Variants in ORC3 observed in about 807,000 individuals in gnomAD.
ORC3 encodes the protein origin recognition complex subunit 3, also known as homolog of latheo, Drosophila.
In ORC3, 78 loss-of-function variants were observed where a neutral mutation model predicts 100.7. The ratio of observed to expected loss-of-function variants is 0.77; its 90% CI spans 0.65 to 0.94. The LOEUF (loss-of-function observed/expected upper bound fraction) is 0.94. Among genes scored for constraint, ORC3 ranks in the 40% least tolerant of loss-of-function variants. The pLI is 0.00. For missense variants in ORC3, 789 were observed against 823.9 expected (o/e 0.96, Z 0.52); for synonymous variants, 295 against 289.3 (o/e 1.02, Z -0.20).
chr6:87,614,684 A>G (rs1779030496), intron 8 of ORC3, among the ~76,000 whole-genome samples: 3 of 152,172 alleles, frequency 2.0e-5, no homozygotes, highest in Non-Finnish European at 4.4e-5. Flanking sequence ...AGTTCCACAA[A>G]TCTCTGGGGC....
intron 15 of ORC3, 84 bp from the exon 16 acceptor site, chr6:87,657,837 T>G (rs1769839445): frequency 2.9e-6 from 2 of 678,262 alleles, no homozygotes; most frequent in African/African-American, 3.6e-5. Flanking sequence ...CATCAGGTGC[T>G]TCTATAGAAC....
Position 87,663,110 on chromosome 6 carries a change from A to C in ORC3, c.1799A>C (p.His600Pro). The C allele has an allele frequency of 1.9e-6, 3 of 1,612,976 alleles. No homozygotes were observed. The highest frequency in any genetic ancestry group is 1.7e-4 in the Middle Eastern group (1 of 5,830). ...HLNAAPRIAL[H>P]TALNNPYYYL... is the part of the protein sequence containing the mutation. ...AATGCTGCTCCGCGAATTGCCCTCC[A>C]TACTGCACTCAACAATCCTTACTAT... The change falls in exon 17 of 20, where the codon CAT (histidine) becomes CCT (proline). Residue 600 changes from histidine to proline, a missense_variant. Coordinates refer to ENST00000392844, the MANE Select transcript of ORC3 (RefSeq NM_012381.4).
chr6:87,619,216 A>C (rs967473368), intron 9 of ORC3, among the ~76,000 whole-genome samples: 1 of 152,238 alleles, frequency 6.6e-6, no homozygotes, highest in Non-Finnish European at 1.5e-5. Context: ...GATTCAGGAA[A>C]TAGAAACTGT....
intron 16 of ORC3, among the ~76,000 whole-genome samples, chr6:87,661,409 C>A (rs1770166714): frequency 6.6e-6 from 1 of 152,272 alleles, no homozygotes; most frequent in African/African-American, 2.4e-5. Flanking sequence ...CCAGTTGACT[C>A]TGGAGAAGGA....
chr6:87,641,925 A>G (rs538234228), intron 13 of ORC3, among the ~76,000 whole-genome samples: 5 of 152,316 alleles, frequency 3.3e-5, no homozygotes, highest in African/African-American at 1.2e-4. Flanking sequence ...TCCACAATCT[A>G]TGATAAGCTT....
In ORC3 at chr6:87,594,359, T is replaced by C. The variant is rs1777269773; in HGVS notation, c.31T>C (p.Phe11Leu). 1 of 1,583,892 alleles carries C rather than the reference T, an allele frequency of 6.3e-7. No individual in the cohort carries two copies. Among genetic ancestry groups the C allele is most frequent in the African/African-American group, 1.3e-5 (1 of 74,656 alleles). The change falls in exon 2 of 20, where the codon TTT becomes CTT. Residue 11 changes from phenylalanine (F) to leucine (L), a missense_variant. Physicochemically the swap from Phe to Leu is conservative, Grantham distance 22 (BLOSUM62 0). Coordinates refer to ENST00000392844, the MANE Select transcript of ORC3 (RefSeq NM_012381.4). MATSSMSKGCFVFKPNSKKRK... is the reference protein window; with the variant it reads MATSSMSKGCLVFKPNSKKRK... The stretch of plus-strand genomic sequence containing the variant: ...TTCGTCTTTCTTTTTATAGGGTTGC[T>C]TTGTTTTTAAGCCAAACTCCAAAAA...
chr6:87,622,334 C>T (rs1274395312), intron 11 of ORC3, among the ~76,000 whole-genome samples: 1 of 152,030 alleles, frequency 6.6e-6, no homozygotes, highest in South Asian at 2.1e-4. Context: ...AATCTGCCAG[C>T]AATTTCGTTG....
chr6:87,609,116 A>G lies in ORC3; in HGVS notation c.600A>G (p.Leu200=). The part of the protein sequence containing the change: ...TVTQKTDPKM[L]SKKRTTSSQW... The stretch of plus-strand genomic sequence containing the variant: ...AAAAGAAGACGGACCCAAAAATGCT[A>G]AGCAAAAAAAGGACTACTTCTAGCC... The change falls in exon 7 of 20, where the codon CTA becomes CTG. Residue 200 remains leucine (L), a synonymous_variant. Transcript: ENST00000392844. 2 of 1,603,574 alleles carry G rather than the reference A, an allele frequency of 1.2e-6. No individual in the cohort carries two copies. The highest frequency in any genetic ancestry group is 1.7e-6 in the Non-Finnish European group (2 of 1,177,548).
At chr6:87,604,487 G>A (rs1778190460) in intron 4 of ORC3, among the ~76,000 whole-genome samples, 1 of 152,134 alleles carries the variant, frequency 6.6e-6, no homozygotes, top group Admixed American at 6.5e-5. Context: ...TCTCCCATTT[G>A]AGGAAAAACT....
intron 7 of ORC3, among the ~76,000 whole-genome samples, chr6:87,610,598 C>G (rs1322435997): frequency 1.5e-5 from 2 of 133,582 alleles, no homozygotes; most frequent in African/African-American, 6.2e-5. Context: ...CCAGGTCGGA[C>G]TGCGGACTGC....
chr6:87,669,794 T>C (rs1486461335), downstream of ORC3, among the ~76,000 whole-genome samples: 1 of 152,226 alleles, frequency 6.6e-6, no homozygotes, highest in Non-Finnish European at 1.5e-5. Context: ...TTTAATGATT[T>C]TTCCATCTAT....
chr6:87,674,722 C>T, the ORC3 span, among the ~76,000 whole-genome samples: 1 of 149,126 alleles, frequency 6.7e-6, no homozygotes, highest in African/African-American at 2.5e-5. Context: ...GATCCTCCCG[C>T]CTCGGCCTCC....
chr6:87,601,312 T>TA (rs1777877569), intron 2 of ORC3, among the ~76,000 whole-genome samples: 1 of 152,100 alleles, frequency 6.6e-6, no homozygotes, highest in South Asian at 2.1e-4. Flanking sequence ...TAAAAGATTA[T>TA]AAAAAATGAA....
Position 87,634,981 on chromosome 6 carries a change from T to C in ORC3, c.1302+20T>C. 1 of 1,146,860 alleles carries C rather than the reference T, an allele frequency of 8.7e-7. No homozygotes were observed. The highest frequency in any genetic ancestry group is 1.2e-5 in the South Asian group (1 of 81,492). The allele number at this position is 1,146,860 out of a possible 1,614,324, so 71.0% of individuals were successfully genotyped here. Reference sequence around the variant, plus strand: ...CGACAGGTAATCCAAGCCTCCTCATTTGTAATCCATGAAGTAGGAATGTTA... The same window carrying C: ...CGACAGGTAATCCAAGCCTCCTCATCTGTAATCCATGAAGTAGGAATGTTA... On this transcript the variant is annotated intron_variant, in intron 12 of 19. Transcript: ENST00000392844.
At chr6:87,602,934 A>G (rs187203210) in intron 3 of ORC3, among the ~76,000 whole-genome samples, 2,106 of 138,544 alleles carry the variant, frequency 0.015, 71 homozygotes, top group African/African-American at 0.053. Flanking sequence ...ATACACGTTT[A>G]TATATATATA....
chr6:87,650,411 TA>T (rs1428995457), intron 13 of ORC3, among the ~76,000 whole-genome samples: 2 of 152,202 alleles, frequency 1.3e-5, no homozygotes, highest in Admixed American at 6.5e-5. Flanking sequence ...AGTCACATCA[TA>T]TGAAATGATT....
chr6:87,592,920 C>T lies in ORC3; in HGVS notation c.25-1433C>T, dbSNP rs530852218. Among the ~76,000 whole-genome samples the T allele has an allele frequency of 2.5e-3, 376 of 151,974 alleles. 1 individual carries two copies. Among genetic ancestry groups the T allele is most frequent in the African/African-American group, 8.1e-3 (335 of 41,450 alleles). ...CAGCCTGGCCAACATAGTGAAACCC[C>T]GTCTCTACTAAAAATACAATAAATT... On this transcript the variant is annotated intron_variant, in intron 1 of 19. Transcript: ENST00000392844.
intron 13 of ORC3, chr6:87,651,329 G>A (rs1769248454): frequency 2.2e-6 from 1 of 455,910 alleles, no homozygotes; most frequent in African/African-American, 2.0e-5. Flanking sequence ...CTCCAAGCAA[G>A]TCAGTGCCGG....
At chr6:87,675,411 G>A in the ORC3 span, 1 of 690,876 alleles carries the variant, frequency 1.4e-6, no homozygotes, top group Non-Finnish European at 2.5e-6. Flanking sequence ...TCCACATCCA[G>A]GTGGTACTGA....
Sources: allele counts gnomAD v4.1 joint callset (sites outside exome capture counted in the v4.1 genomes callset), GRCh38; gene constraint gnomAD v4.1.1; transcripts MANE v1.5; gene names NCBI Gene and HGNC (gene_info 2026-07-23, HGNC 2026-07-21).